The following NSMCE2 variants were observed in gnomAD, a reference collection of about 807,000 sequenced individuals.
The protein encoded by NSMCE2 is E3 SUMO-protein ligase NSE2.
Under a neutral mutation model 23.8 loss-of-function variants are expected in NSMCE2, and 24 were observed. That is an observed-to-expected ratio of 1.01 (90% confidence interval 0.73 to 1.42). The LOEUF is 1.42. NSMCE2 is among the 40% of genes most tolerant of loss of function. The probability of loss-of-function intolerance (pLI) is 0.00; values close to 1 mark genes in which losing one functional copy is unlikely to be tolerated. For synonymous variants in NSMCE2, 92 were observed against 94.1 expected (o/e 0.98, Z 0.13); for missense variants, 284 against 296.5 (o/e 0.96, Z 0.31).
chr8:125,111,069 G>A (rs1326509554), intron 3 of NSMCE2, among the ~76,000 whole-genome samples: 1 of 152,128 alleles, frequency 6.6e-6, no homozygotes, highest in African/African-American at 2.4e-5. Flanking sequence ...ATGATAGTCT[G>A]TTCTTTCATA....
chr8:125,185,495 G>A (rs972281218), intron 5 of NSMCE2, among the ~76,000 whole-genome samples: 14 of 152,040 alleles, frequency 9.2e-5, no homozygotes, highest in African/African-American at 2.7e-4. Flanking sequence ...TGGTAGAGAC[G>A]AGGTTTTGCC....
At chr8:125,144,905 T>C (rs1421970066) in intron 3 of NSMCE2, among the ~76,000 whole-genome samples, 3 of 152,218 alleles carry the variant, frequency 2.0e-5, no homozygotes, top group African/African-American at 7.2e-5. Context: ...GTAGTTATAA[T>C]ATTGCTGTTA....
intron 5 of NSMCE2, among the ~76,000 whole-genome samples, chr8:125,313,836 C>G (rs1387396502): frequency 6.6e-6 from 1 of 152,138 alleles, no homozygotes. Flanking sequence ...AATGAAAAAT[C>G]AAAGGGACCC....
chr8:125,195,979 T>G (rs1271380571), intron 5 of NSMCE2, among the ~76,000 whole-genome samples: 1 of 146,792 alleles, frequency 6.8e-6, no homozygotes, highest in Non-Finnish European at 1.5e-5. Context: ...CTCCAACTCT[T>G]GGGTTCAAGC....
intron 5 of NSMCE2, among the ~76,000 whole-genome samples, chr8:125,305,419 C>T (rs1024719715): frequency 1.3e-5 from 2 of 152,182 alleles, no homozygotes. Context: ...AATAAGCCCT[C>T]ACTCTGGAAG....
At chr8:125,124,719 C>T (rs545377620) in intron 3 of NSMCE2, among the ~76,000 whole-genome samples, 7 of 152,264 alleles carry the variant, frequency 4.6e-5, no homozygotes, top group African/African-American at 1.7e-4. Context: ...GTCAAGCGAT[C>T]CTCCTGCCTT....
chr8:125,262,014 T>G (rs1190986163), intron 5 of NSMCE2, among the ~76,000 whole-genome samples: 1 of 152,038 alleles, frequency 6.6e-6, no homozygotes, highest in Non-Finnish European at 1.5e-5. Flanking sequence ...GGAAAATCAC[T>G]GGAACCCAGG....
chr8:125,320,533 A>T (rs1829410533), intron 5 of NSMCE2, among the ~76,000 whole-genome samples: 1 of 152,194 alleles, frequency 6.6e-6, no homozygotes, highest in South Asian at 2.1e-4. Context: ...TATAAAGTTG[A>T]CAGCAGATTT....
intron 4 of NSMCE2, among the ~76,000 whole-genome samples, chr8:125,174,635 G>C (rs560769244): frequency 1.3e-5 from 2 of 152,162 alleles, no homozygotes; most frequent in South Asian, 4.1e-4. Context: ...ATTCAAACTA[G>C]ACAAATAACA....
chr8:125,092,321 G>C (rs905588948), intron 1 of NSMCE2, among the ~76,000 whole-genome samples: 5 of 152,194 alleles, frequency 3.3e-5, no homozygotes, highest in Non-Finnish European at 5.9e-5. Context: ...AAAGTGCCGG[G>C]ACACCAGTTT....
chr8:125,298,711 TTCCC>T (rs1236685531), intron 5 of NSMCE2, among the ~76,000 whole-genome samples: 14 of 150,776 alleles, frequency 9.3e-5, no homozygotes, highest in Admixed American at 7.9e-4. Context: ...TTTTTTTTTT[TTCCC>T]CAGTTTAGGT....
intron 5 of NSMCE2, among the ~76,000 whole-genome samples, chr8:125,352,433 G>A (rs988896068): frequency 2.0e-5 from 3 of 148,344 alleles, no homozygotes; most frequent in East Asian, 3.9e-4. Flanking sequence ...CCGAGATCAC[G>A]CCATTGCACT....
intron 3 of NSMCE2, among the ~76,000 whole-genome samples, chr8:125,104,381 C>T (rs1456271427): frequency 6.6e-6 from 1 of 152,180 alleles, no homozygotes; most frequent in Admixed American, 6.5e-5. Context: ...TATCGTTAAG[C>T]TTTGTTAGGT....
At chr8:125,174,024 T>C (rs1822352616) in intron 4 of NSMCE2, among the ~76,000 whole-genome samples, 1 of 152,326 alleles carries the variant, frequency 6.6e-6, no homozygotes, top group Non-Finnish European at 1.5e-5. Context: ...CTGATAATCC[T>C]CATTTCACCT....
In NSMCE2 at chr8:125,229,629, G is replaced by A. The variant is rs538153565; in HGVS notation, c.418+47373G>A. ...ATTTTAGGAAATAAAATGACACCAA[G>A]CTTATGTTCTAGATGAAATTCAGTC... On this transcript the variant is annotated intron_variant, in intron 5 of 7. Coordinates refer to ENST00000287437, the MANE Select transcript of NSMCE2 (RefSeq NM_173685.4). Among the ~76,000 whole-genome samples the A allele has an allele frequency of 3.3e-5, 5 of 152,308 alleles. No homozygotes were observed. The South Asian group carries it at 1.0e-3, about 32-fold the overall frequency.
At chr8:125,260,284 C>T (rs771959311) in intron 5 of NSMCE2, among the ~76,000 whole-genome samples, 8 of 151,968 alleles carry the variant, frequency 5.3e-5, no homozygotes, top group Non-Finnish European at 1.2e-4. Flanking sequence ...AGTGTTAGCC[C>T]AGTATAAAAA....
chr8:125,312,541 C>T (rs1211028916), intron 5 of NSMCE2, among the ~76,000 whole-genome samples: 1 of 152,182 alleles, frequency 6.6e-6, no homozygotes, highest in Admixed American at 6.5e-5. Flanking sequence ...AGGAGAATTG[C>T]TTGAACCTGG....
rs184257792 is a variant in NSMCE2, at chr8:125,157,442, T to C, written c.264+6165T>C. ...GTGGAAATTAACCAGAGAAAGAAAG[T>C]TGACTTTAGGTATTCACTCTTCAGA... On this transcript the variant is annotated intron_variant, in intron 4 of 7. Transcript: ENST00000287437. Among the ~76,000 whole-genome samples the C allele has an allele frequency of 1.2e-3, 177 of 152,328 alleles. 1 individual carries two copies. The highest frequency in any genetic ancestry group is 4.2e-3 in the African/African-American group (173 of 41,558).
At chr8:125,275,445 TG>T (rs1827412281) in intron 5 of NSMCE2, among the ~76,000 whole-genome samples, 1 of 152,200 alleles carries the variant, frequency 6.6e-6, no homozygotes, top group Non-Finnish European at 1.5e-5. Context: ...TACCCTCCCA[TG>T]GTATCCAGCA....
Sources: gnomAD v4.1 joint callset for allele counts (sites outside exome capture counted in the v4.1 genomes callset) on GRCh38, gnomAD v4.1.1 for gene constraint, MANE v1.5 for transcripts, NCBI Gene and HGNC (gene_info 2026-07-23, HGNC 2026-07-21) for gene names.